ZNF277: variants seen among roughly 807,000 people sequenced by gnomAD.
The protein encoded by ZNF277 is zinc finger protein 277.
In ZNF277, 55 loss-of-function variants were observed where a neutral mutation model predicts 60.7. That is an observed-to-expected ratio of 0.91 (90% CI 0.73 to 1.13). The LOEUF is 1.13. ZNF277 is among the 50% of genes most tolerant of loss of function. The pLI is 0.00. For synonymous variants in ZNF277, 178 were observed against 179.3 expected, an observed-to-expected ratio of 0.99 and a Z score of 0.06; for missense variants, 510 against 523.0, an observed-to-expected ratio of 0.98 and a Z score of 0.24.
intron 4 of ZNF277, among the ~76,000 whole-genome samples, chr7:112,315,464 C>A (rs1792823495): frequency 6.6e-6 from 1 of 151,580 alleles, no homozygotes; most frequent in Non-Finnish European, 1.5e-5. Context: ...ACATAGATGG[C>A]CATAAAAGAG....
intron 4 of ZNF277, among the ~76,000 whole-genome samples, chr7:112,297,573 A>G (rs962361426): frequency 3.3e-5 from 5 of 152,198 alleles, no homozygotes; most frequent in African/African-American, 1.2e-4. Flanking sequence ...GGAAGGTGAT[A>G]CCATTGGATG....
At chr7:112,337,016 TGA>T (rs1334572679) in intron 8 of ZNF277, among the ~76,000 whole-genome samples, 1 of 152,210 alleles carries the variant, frequency 6.6e-6, no homozygotes, top group Non-Finnish European at 1.5e-5. Context: ...AGGTTGATCT[TGA>T]GAGTCTTATC....
At chr7:112,240,983 C>G (rs1790932246) in intron 1 of ZNF277, among the ~76,000 whole-genome samples, 1 of 151,858 alleles carries the variant, frequency 6.6e-6, no homozygotes, top group African/African-American at 2.4e-5. Flanking sequence ...CTCAGGCAAC[C>G]AAAGCAAAAA....
intron 4 of ZNF277, among the ~76,000 whole-genome samples, chr7:112,306,773 T>C (rs1792606448): frequency 6.6e-6 from 1 of 152,056 alleles, no homozygotes; most frequent in Non-Finnish European, 1.5e-5. Flanking sequence ...TTTAAATATT[T>C]AATTTTTTAA....
At chr7:112,274,299 A>G (rs1489728694) in intron 1 of ZNF277, among the ~76,000 whole-genome samples, 1 of 152,012 alleles carries the variant, frequency 6.6e-6, no homozygotes, top group Non-Finnish European at 1.5e-5. Context: ...CTGGGACCAC[A>G]AGTGTGTGCC....
intron 2 of ZNF277, among the ~76,000 whole-genome samples, chr7:112,292,070 G>A (rs559553693): frequency 2.0e-5 from 3 of 152,282 alleles, no homozygotes; most frequent in East Asian, 1.9e-4. Context: ...GAGGGCAACC[G>A]AGGTTCTGCC....
chr7:112,246,938 G>T (rs114517428), intron 1 of ZNF277, among the ~76,000 whole-genome samples: 1 of 152,150 alleles, frequency 6.6e-6, no homozygotes, highest in Admixed American at 6.5e-5. Flanking sequence ...AAATGAGACT[G>T]CAGTCATGCC....
intron 4 of ZNF277, among the ~76,000 whole-genome samples, chr7:112,313,825 A>G (rs1208344070): frequency 6.6e-6 from 1 of 152,158 alleles, no homozygotes; most frequent in Admixed American, 6.5e-5. Context: ...GGGATAATCA[A>G]GTGTGTTATA....
intron 4 of ZNF277, among the ~76,000 whole-genome samples, chr7:112,315,608 A>G (rs1250727869): frequency 6.6e-6 from 1 of 152,106 alleles, no homozygotes; most frequent in Non-Finnish European, 1.5e-5. Flanking sequence ...ATCATATAGA[A>G]CAGGTTAAAT....
intron 5 of ZNF277, among the ~76,000 whole-genome samples, chr7:112,327,449 G>A (rs773982947): frequency 6.6e-6 from 1 of 151,782 alleles, no homozygotes; most frequent in Non-Finnish European, 1.5e-5. Flanking sequence ...CGATACCCCT[G>A]GTTTAAAGGA....
intron 1 of ZNF277, among the ~76,000 whole-genome samples, chr7:112,239,246 A>G (rs1790881863): frequency 6.6e-6 from 1 of 152,196 alleles, no homozygotes; most frequent in Admixed American, 6.5e-5. Context: ...GTAGATTCCT[A>G]AAGTTTCCAG....
rs757544983 is a variant in ZNF277, at chr7:112,286,873, A to G, written c.92A>G (p.Asp31Gly). ...TTTTTTTTTTTTTGGTCTATTCCAG[A>G]CAGTAAGGATTGTATCCTGGAGCCG... Reference protein sequence around the residue: ...CSTVGGVGYGDSKDCILEPLS... With the variant: ...CSTVGGVGYGGSKDCILEPLS... Residue 31 changes from aspartate to glycine, a missense_variant and splice_region_variant, in exon 2 of 12, where the codon GAC becomes GGC. Transcript: ENST00000361822. 7.9e-7 allele frequency: 1 copy of G among 1,262,464 alleles called. No individual in the cohort carries two copies. Among genetic ancestry groups the G allele is most frequent in the Admixed American group, 2.3e-5 (1 of 43,440 alleles). 78.2% of individuals were successfully genotyped at this position (1,262,464 alleles called of 1,614,324 possible). A position where few individuals can be genotyped will look rare whatever the true frequency, so the allele number is the denominator to read the frequency against.
At chr7:112,215,888 G>A (rs998732785) in intron 1 of ZNF277, among the ~76,000 whole-genome samples, 3 of 152,186 alleles carry the variant, frequency 2.0e-5, no homozygotes, top group Admixed American at 6.5e-5. Flanking sequence ...CTTCTGTTAT[G>A]TAATAAGCTG....
At chr7:112,341,166 A>G in intron 11 of ZNF277, 120 bp downstream of exon 11, 3 of 917,526 alleles carry the variant, frequency 3.3e-6, no homozygotes, top group East Asian at 3.0e-5. Context: ...AAAAGTATAC[A>G]TCAGTACAGT....
intron 1 of ZNF277, among the ~76,000 whole-genome samples, chr7:112,211,773 A>G (rs905309853): frequency 6.6e-6 from 1 of 152,054 alleles, no homozygotes; most frequent in Admixed American, 6.6e-5. Context: ...CCATATCTCC[A>G]TTATCCACTT....
intron 4 of ZNF277, among the ~76,000 whole-genome samples, chr7:112,296,905 TTTA>T (rs1320266844): frequency 1.9e-4 from 12 of 62,480 alleles, no homozygotes; most frequent in Admixed American, 7.8e-4. Flanking sequence ...TATTTATTTA[TTTA>T]TTTATTTTTT....
chr7:112,286,047 T>C (rs1331798030), intron 1 of ZNF277, among the ~76,000 whole-genome samples: 1 of 152,172 alleles, frequency 6.6e-6, no homozygotes, highest in Non-Finnish European at 1.5e-5. Flanking sequence ...AGACGTCCAC[T>C]CTGGCAGACT....
At chr7:112,269,117 T>C (rs1791610218) in intron 1 of ZNF277, among the ~76,000 whole-genome samples, 1 of 152,138 alleles carries the variant, frequency 6.6e-6, no homozygotes, top group Non-Finnish European at 1.5e-5. Flanking sequence ...TAGAACCATA[T>C]GGACAATGAA....
chr7:112,229,181 A>T (rs1822256895), intron 1 of ZNF277, among the ~76,000 whole-genome samples: 1 of 152,214 alleles, frequency 6.6e-6, no homozygotes, highest in Non-Finnish European at 1.5e-5. Context: ...ACTAGTACCA[A>T]TAACTAGGTT....
Sources: gnomAD v4.1 joint callset for allele counts (sites outside exome capture counted in the v4.1 genomes callset) on GRCh38, gnomAD v4.1.1 for gene constraint, MANE v1.5 for transcripts, NCBI Gene and HGNC (gene_info 2026-07-23, HGNC 2026-07-21) for gene names.